The following GALNTL6 variants were observed in gnomAD, a reference collection of about 807,000 sequenced individuals.
GALNTL6 encodes the protein polypeptide N-acetylgalactosaminyltransferase-like 6.
A neutral mutation model predicts 73.7 loss-of-function variants in GALNTL6; 46 were observed. That is an observed-to-expected ratio of 0.62 (90% CI 0.49 to 0.80). The LOEUF (loss-of-function observed/expected upper bound fraction) is 0.80. Ranked by LOEUF, GALNTL6 falls within the 30% of genes least tolerant of loss-of-function variation. GALNTL6 has a pLI of 0.00. For synonymous variants in GALNTL6, 259 were observed against 263.7 expected, an observed-to-expected ratio of 0.98 and a Z score of 0.17; for missense variants, 604 against 755.0, an observed-to-expected ratio of 0.80 and a Z score of 2.34.
chr4:171,955,382 C>A (rs490077), intron 2 of GALNTL6, among the ~76,000 whole-genome samples: 160 of 111,488 alleles, frequency 1.4e-3, no homozygotes, highest in Middle Eastern at 5.3e-3. Flanking sequence ...ATCTATCTAT[C>A]TATATATATA....
chr4:172,625,867 G>T (rs910494034), intron 5 of GALNTL6, among the ~76,000 whole-genome samples: 2 of 151,648 alleles, frequency 1.3e-5, no homozygotes, highest in Non-Finnish European at 3.0e-5. Flanking sequence ...CTTTTAATGG[G>T]ATTTTTTTTC....
chr4:172,428,124 T>A (rs1731296876), intron 5 of GALNTL6, among the ~76,000 whole-genome samples: 1 of 152,136 alleles, frequency 6.6e-6, no homozygotes, highest in Non-Finnish European at 1.5e-5. Context: ...TAATTTCAGT[T>A]ACCATAGATC....
intron 8 of GALNTL6, among the ~76,000 whole-genome samples, chr4:172,900,571 T>C (rs1405225656): frequency 6.6e-6 from 1 of 152,174 alleles, no homozygotes; most frequent in African/African-American, 2.4e-5. Context: ...GTGCAAAGTT[T>C]ACAATTGCAC....
At chr4:171,922,733 T>G (rs1187718503) in intron 2 of GALNTL6, among the ~76,000 whole-genome samples, 1 of 152,170 alleles carries the variant, frequency 6.6e-6, no homozygotes, top group Non-Finnish European at 1.5e-5. Context: ...GAATTGTTTA[T>G]TTAATATTGT....
intron 5 of GALNTL6, among the ~76,000 whole-genome samples, chr4:172,720,665 A>G (rs749623941): frequency 5.9e-5 from 9 of 152,238 alleles, no homozygotes; most frequent in Non-Finnish European, 1.5e-5. Context: ...AAGGCTGACT[A>G]TATTAATTTT....
At chr4:171,940,820 A>AAAATAAAT (rs372040035) in intron 2 of GALNTL6, among the ~76,000 whole-genome samples, 6,969 of 83,164 alleles carry the variant, frequency 0.084, 249 homozygotes, top group Middle Eastern at 0.15. Context: ...TCCATCTCAG[A>AAAATAAAT]AAATAAATAA....
At chr4:172,754,501 G>A (rs544315479) in intron 5 of GALNTL6, among the ~76,000 whole-genome samples, 82 of 152,218 alleles carry the variant, frequency 5.4e-4, no homozygotes, top group African/African-American at 1.9e-3. Flanking sequence ...GAACCTGGGA[G>A]GTGGAGGTTG....
intron 7 of GALNTL6, among the ~76,000 whole-genome samples, chr4:172,838,888 A>G (rs1358890883): frequency 6.6e-6 from 1 of 152,222 alleles, no homozygotes; most frequent in Non-Finnish European, 1.5e-5. Flanking sequence ...ACCACAGGGC[A>G]TAAATGAATG....
chr4:171,966,925 A>T (rs1359626500), intron 2 of GALNTL6, among the ~76,000 whole-genome samples: 1 of 152,204 alleles, frequency 6.6e-6, no homozygotes, highest in Non-Finnish European at 1.5e-5. Context: ...CAATCTTGAG[A>T]AATTATTCTT....
At chr4:172,121,394 G>A (rs1019023533) in intron 2 of GALNTL6, among the ~76,000 whole-genome samples, 2 of 151,782 alleles carry the variant, frequency 1.3e-5, no homozygotes, top group African/African-American at 4.8e-5. Flanking sequence ...TCACTTCATG[G>A]CCTTCCCCAG....
chr4:172,592,247 G>A lies in GALNTL6; in HGVS notation c.554-217114G>A, dbSNP rs565872575. Among the ~76,000 whole-genome samples, 3 of 152,240 alleles carry A rather than the reference G, an allele frequency of 2.0e-5. No homozygotes were observed. The East Asian group carries it at 5.8e-4, about 29-fold the overall frequency. On this transcript the variant is annotated intron_variant, in intron 5 of 12. Coordinates refer to ENST00000506823, the MANE Select transcript of GALNTL6 (RefSeq NM_001034845.3). ...GCAAAGGAAAAGAGGGAAAACCTGAGGCTTTATAACAACTCGCTTTCAAGG... is the reference window on the plus strand; with the variant it reads ...GCAAAGGAAAAGAGGGAAAACCTGAAGCTTTATAACAACTCGCTTTCAAGG...
At chr4:172,238,047 TAG>T (rs1415639065) in intron 3 of GALNTL6, among the ~76,000 whole-genome samples, 1 of 152,184 alleles carries the variant, frequency 6.6e-6, no homozygotes, top group African/African-American at 2.4e-5. Context: ...TCTTTTTGCT[TAG>T]ATTGCTTTGG....
chr4:171,866,540 C>T (rs7690804), intron 2 of GALNTL6, among the ~76,000 whole-genome samples: 122,140 of 152,118 alleles, frequency 0.8, 49,544 homozygotes, highest in African/African-American at 0.92. Context: ...ACCAGAAAGG[C>T]TCATTTGAAA....
At chr4:172,783,364 G>A (rs1443309727) in intron 5 of GALNTL6, among the ~76,000 whole-genome samples, 1 of 146,240 alleles carries the variant, frequency 6.8e-6, no homozygotes, top group Non-Finnish European at 1.5e-5. Flanking sequence ...TATAAATAGT[G>A]TATTAATAAT....
At chr4:172,414,772 G>C (rs1744565738) in intron 5 of GALNTL6, among the ~76,000 whole-genome samples, 1 of 152,150 alleles carries the variant, frequency 6.6e-6, no homozygotes, top group Non-Finnish European at 1.5e-5. Context: ...TAAGTAGGAA[G>C]ACTTTACTCA....
chr4:172,061,386 T>C (rs1731195070), intron 2 of GALNTL6, among the ~76,000 whole-genome samples: 1 of 152,188 alleles, frequency 6.6e-6, no homozygotes, highest in Non-Finnish European at 1.5e-5. Context: ...TCATGTTGTA[T>C]TGAGCTCAGC....
At chr4:172,959,501 G>A (rs1749931007) in intron 10 of GALNTL6, among the ~76,000 whole-genome samples, 2 of 152,052 alleles carry the variant, frequency 1.3e-5, no homozygotes, top group Non-Finnish European at 2.9e-5. Context: ...TTGAAAAGAA[G>A]CTAATGTGGA....
intron 4 of GALNTL6, among the ~76,000 whole-genome samples, chr4:172,327,199 C>T (rs958733099): frequency 6.6e-6 from 1 of 151,920 alleles, no homozygotes; most frequent in African/African-American, 2.4e-5. Context: ...CATGTAATTG[C>T]ATGGTTTTGA....
In GALNTL6 at chr4:172,765,185, CACAG is replaced by C. The variant is rs937807096; in HGVS notation, c.554-44170_554-44167del. 1.2e-4 allele frequency among the ~76,000 whole-genome samples: 19 copies of C among 152,240 alleles called. 1 individual carries two copies. Among genetic ancestry groups the C allele is most frequent in the African/African-American group, 4.1e-4 (17 of 41,534 alleles). Reference sequence around the variant, plus strand: ...ATTAAGACAAAAATGAAACCAGCAACACAGACAGAGAGAAATACATTTGTATTAC... The same window carrying C: ...ATTAAGACAAAAATGAAACCAGCAACACAGAGAGAAATACATTTGTATTAC... On this transcript the variant is annotated intron_variant, in intron 5 of 12. Transcript: ENST00000506823.
Sources: allele counts gnomAD v4.1 joint callset (sites outside exome capture counted in the v4.1 genomes callset), GRCh38; gene constraint gnomAD v4.1.1; transcripts MANE v1.5; gene names NCBI Gene and HGNC (gene_info 2026-07-23, HGNC 2026-07-21).